ST6GALNAC3: variants seen among roughly 807,000 people sequenced by gnomAD.
ST6GALNAC3 encodes ST6 N-acetylgalactosaminide alpha-2,6-sialyltransferase 3.
ST6GALNAC3 carries 25 observed loss-of-function variants against 32.7 expected under a neutral mutation model. That is an observed-to-expected ratio of 0.76 (90% confidence interval 0.56 to 1.07). The LOEUF (loss-of-function observed/expected upper bound fraction) is 1.07. Ranked by LOEUF, ST6GALNAC3 falls within the 50% of genes least tolerant of loss-of-function variation. The probability of loss-of-function intolerance (pLI) is 0.00; values close to 1 mark genes in which losing one functional copy is unlikely to be tolerated. For missense variants in ST6GALNAC3, 355 were observed against 382.4 expected (o/e 0.93, Z 0.60); for synonymous variants, 129 against 133.1 (o/e 0.97, Z 0.21).
intron 1 of ST6GALNAC3, among the ~76,000 whole-genome samples, chr1:76,087,809 C>T (rs1198164205): frequency 6.6e-6 from 1 of 152,122 alleles, no homozygotes. Flanking sequence ...TTGTAACTTG[C>T]CCATGATAAT....
intron 1 of ST6GALNAC3, among the ~76,000 whole-genome samples, chr1:76,130,533 G>T (rs1649542604): frequency 1.3e-5 from 2 of 152,186 alleles, no homozygotes; most frequent in African/African-American, 4.8e-5. Flanking sequence ...GCTCCCTCTG[G>T]CAGGGTGGCC....
intron 3 of ST6GALNAC3, among the ~76,000 whole-genome samples, chr1:76,574,199 A>C (rs1301738613): frequency 6.6e-6 from 1 of 152,088 alleles, no homozygotes; most frequent in Non-Finnish European, 1.5e-5. Flanking sequence ...CACAGTTTTG[A>C]GTGATGATGT....
chr1:76,120,305 T>A (rs898393105), intron 1 of ST6GALNAC3, among the ~76,000 whole-genome samples: 1 of 152,132 alleles, frequency 6.6e-6, no homozygotes, highest in Non-Finnish European at 1.5e-5. Context: ...CGTGTTTCCT[T>A]GAGAATTGTG....
chr1:76,421,040 A>G (rs1654998589), intron 3 of ST6GALNAC3, among the ~76,000 whole-genome samples: 1 of 152,088 alleles, frequency 6.6e-6, no homozygotes, highest in African/African-American at 2.4e-5. Flanking sequence ...CCTTGACATA[A>G]TGCTTGACTT....
intron 1 of ST6GALNAC3, among the ~76,000 whole-genome samples, chr1:76,212,413 T>A (rs1655218085): frequency 1.3e-5 from 2 of 152,204 alleles, no homozygotes; most frequent in Admixed American, 1.3e-4. Context: ...CCTGTGCTTG[T>A]AGACATCATG....
At chr1:76,082,346 C>G (rs11585263) in intron 1 of ST6GALNAC3, among the ~76,000 whole-genome samples, 1,671 of 152,222 alleles carry the variant, frequency 0.011, 9 homozygotes, top group Non-Finnish European at 0.017. Context: ...ATGGATTATC[C>G]AGACCCCATT....
At chr1:76,322,550 T>G (rs981850102) in intron 2 of ST6GALNAC3, among the ~76,000 whole-genome samples, 7 of 152,154 alleles carry the variant, frequency 4.6e-5, no homozygotes, top group Non-Finnish European at 7.4e-5. Flanking sequence ...ATAGTGAACA[T>G]TCAAGTAATT....
chr1:76,621,549 A>G (rs1648651735), intron 3 of ST6GALNAC3, among the ~76,000 whole-genome samples: 1 of 152,056 alleles, frequency 6.6e-6, no homozygotes, highest in Non-Finnish European at 1.5e-5. Context: ...ACTTCAGAGC[A>G]TTTCCATAGC....
intron 1 of ST6GALNAC3, among the ~76,000 whole-genome samples, chr1:76,153,091 A>C (rs1004516287): frequency 1.3e-5 from 2 of 152,102 alleles, no homozygotes; most frequent in Non-Finnish European, 2.9e-5. Flanking sequence ...TGCTCCTTTT[A>C]ATAGTGGTGT....
chr1:76,452,060 T>C lies in ST6GALNAC3; in HGVS notation c.623+39643T>C, dbSNP rs113202270. 9.0e-3 allele frequency among the ~76,000 whole-genome samples: 1,378 copies of C among 152,284 alleles called. 20 individuals are homozygous for C. Among genetic ancestry groups the C allele is most frequent in the African/African-American group, 0.031 (1,285 of 41,564 alleles). On this transcript the variant is annotated intron_variant, in intron 3 of 4. Transcript: ENST00000328299. ...TATTGTGTTGGCTGTGGGTTTGTCA[T>C]AGATGGTGATATGGTTTGGCTGTGT...
intron 3 of ST6GALNAC3, among the ~76,000 whole-genome samples, chr1:76,542,731 G>T (rs1373714036): frequency 6.6e-6 from 1 of 152,070 alleles, no homozygotes; most frequent in Non-Finnish European, 1.5e-5. Flanking sequence ...TAATAGATAG[G>T]TACATTATAA....
chr1:76,590,869 A>T (rs1053441258), intron 3 of ST6GALNAC3, among the ~76,000 whole-genome samples: 2 of 152,190 alleles, frequency 1.3e-5, no homozygotes, highest in African/African-American at 4.8e-5. Flanking sequence ...GTTGGTTATT[A>T]TGAATATTAA....
chr1:76,521,112 T>C (rs1480160715), intron 3 of ST6GALNAC3, among the ~76,000 whole-genome samples: 1 of 152,104 alleles, frequency 6.6e-6, no homozygotes, highest in African/African-American at 2.4e-5. Context: ...ACCCATGTCT[T>C]ATTACAGCTT....
chr1:76,611,096 T>A (rs567361627), intron 3 of ST6GALNAC3, among the ~76,000 whole-genome samples: 3 of 152,114 alleles, frequency 2.0e-5, no homozygotes, highest in African/African-American at 7.2e-5. Context: ...CACACACATA[T>A]ATCCTTAGGC....
chr1:76,223,917 T>C (rs991274040), intron 1 of ST6GALNAC3, among the ~76,000 whole-genome samples: 1 of 152,220 alleles, frequency 6.6e-6, no homozygotes, highest in African/African-American at 2.4e-5. Flanking sequence ...ACTCTGAGTC[T>C]TTCTGCAAAC....
At chr1:76,309,957 AC>A (rs1646725654) in intron 1 of ST6GALNAC3, 1 of 491,564 alleles carries the variant, frequency 2.0e-6, no homozygotes, top group Admixed American at 2.1e-5. Flanking sequence ...AAAATGGTTG[AC>A]TTATTTTTCT....
intron 3 of ST6GALNAC3, among the ~76,000 whole-genome samples, chr1:76,433,645 A>G (rs1655927607): frequency 6.6e-6 from 1 of 152,168 alleles, no homozygotes; most frequent in Non-Finnish European, 1.5e-5. Context: ...TGGCTGGCTG[A>G]GCTGGAGATG....
At chr1:76,354,486 G>T (rs1404082755) in intron 2 of ST6GALNAC3, among the ~76,000 whole-genome samples, 1 of 152,184 alleles carries the variant, frequency 6.6e-6, no homozygotes, top group East Asian at 1.9e-4. Context: ...TTATGTAATA[G>T]ATTTTTGGCT....
At chr1:76,567,942 G>A (rs1200231305) in intron 3 of ST6GALNAC3, among the ~76,000 whole-genome samples, 2 of 152,050 alleles carry the variant, frequency 1.3e-5, no homozygotes, top group African/African-American at 2.4e-5. Context: ...TCTGTGCTTC[G>A]GTAGTTGCAT....
Sources: gnomAD v4.1 joint callset for allele counts (sites outside exome capture counted in the v4.1 genomes callset) on GRCh38, gnomAD v4.1.1 for gene constraint, MANE v1.5 for transcripts, NCBI Gene and HGNC (gene_info 2026-07-23, HGNC 2026-07-21) for gene names.